CREBRF: variants seen among roughly 807,000 people sequenced by gnomAD.
The protein encoded by CREBRF is UPF0474 protein C5orf41.
Under a neutral mutation model 66.1 loss-of-function variants are expected in CREBRF, and 5 were observed. The ratio of observed to expected loss-of-function variants is 0.08; its 90% CI spans 0.04 to 0.16. CREBRF has a LOEUF of 0.16. Ranked by LOEUF, CREBRF falls within the 10% of genes least tolerant of loss-of-function variation. The pLI, the probability that CREBRF is intolerant of heterozygous loss-of-function variation, is 1.00. For synonymous variants in CREBRF, 229 were observed against 264.4 expected, an observed-to-expected ratio of 0.87 and a Z score of 1.30; for missense variants, 531 against 744.9, an observed-to-expected ratio of 0.71 and a Z score of 3.34.
rs1279438800 is a variant in CREBRF at position 173,133,693 on chromosome 5, G to A, written c.1868G>A (p.Gly623Glu). 6.2e-7 allele frequency: 1 copy of A among 1,612,680 alleles called. No individual in the cohort carries two copies. The highest frequency in any genetic ancestry group is 8.5e-7 in the Non-Finnish European group (1 of 1,179,272). Reference protein sequence around the residue: ...VNQVLEKTAEGNPTGGLVGLR... With the variant: ...VNQVLEKTAEENPTGGLVGLR... ...CAAGTGTTAGAGAAGACTGCAGAAGGGAATCCCACTGGAGGCCTTGTAGGA... is the reference window on the plus strand; with the variant it reads ...CAAGTGTTAGAGAAGACTGCAGAAGAGAATCCCACTGGAGGCCTTGTAGGA... Residue 623 changes from glycine to glutamate, a missense_variant, in exon 9 of 9, where the codon GGG (glycine) becomes GAG (glutamate). By Grantham distance (98) the Gly-to-Glu change is moderately conservative. Transcript: ENST00000296953.
rs752676266 is a variant in CREBRF at position 173,123,041 on chromosome 5, G to A, written c.1682-39G>A. 2.6e-6 allele frequency: 4 copies of A among 1,541,854 alleles called. No individual in the cohort carries two copies. The Admixed American group carries it at 9.2e-5, about 36-fold the overall frequency. On this transcript the variant is annotated intron_variant, in intron 7 of 8. Coordinates refer to ENST00000296953, the MANE Select transcript of CREBRF (RefSeq NM_153607.3). The stretch of plus-strand genomic sequence containing the variant: ...CATAATTAAAAGGAAAGTCTTTCAT[G>A]GTAGTGACATATTCCAAGTGTTTTG...
intron 3 of CREBRF, among the ~76,000 whole-genome samples, chr5:173,088,255 C>CTTTTTTTT (rs536962764): frequency 1.5e-5 from 1 of 66,864 alleles, no homozygotes; most frequent in African/African-American, 6.8e-5. Flanking sequence ...CAAATACATT[C>CTTTTTTTT]TTTTTTTTTT....
intron 8 of CREBRF, among the ~76,000 whole-genome samples, chr5:173,127,776 A>C (rs1581050874): frequency 1.3e-5 from 2 of 152,088 alleles, no homozygotes; most frequent in African/African-American, 2.4e-5. Flanking sequence ...TTTTTCTTAA[A>C]GGTAATTTCT....
intron 1 of CREBRF, among the ~76,000 whole-genome samples, chr5:173,077,189 C>G (rs1303603863): frequency 1.3e-5 from 2 of 152,092 alleles, no homozygotes; most frequent in Non-Finnish European, 2.9e-5. Flanking sequence ...GACTAATTCG[C>G]CTGCCTTGGC....
intron 4 of CREBRF, 36 bp from the exon 5 acceptor site, chr5:173,108,588 T>A: frequency 7.0e-6 from 11 of 1,568,634 alleles, no homozygotes; most frequent in Non-Finnish European, 9.5e-6. Context: ...TTATTGAAAT[T>A]TATGGAGCTT....
Position 173,136,950 on chromosome 5 carries a change from C to G in CREBRF, c.*3205C>G, listed in dbSNP as rs1447671562. The stretch of plus-strand genomic sequence containing the variant: ...ATTATAAACTTTGACTCTAGTACTA[C>G]TATGATTTAAAAAAAAAAAAAACCA... On this transcript the variant is annotated 3_prime_UTR_variant, in exon 9 of 9. Transcript: ENST00000296953. The G allele has an allele frequency of 7.1e-6, 1 of 141,516 alleles. No homozygotes were observed. 8.8% of individuals were successfully genotyped at this position (141,516 alleles called of 1,614,324 possible). A position where few individuals can be genotyped will look rare whatever the true frequency, so the allele number is the denominator to read the frequency against.
At chr5:173,062,797 G>T (rs973242571) in intron 1 of CREBRF, among the ~76,000 whole-genome samples, 1 of 146,050 alleles carries the variant, frequency 6.8e-6, no homozygotes, top group Non-Finnish European at 1.5e-5. Context: ...GCCCAGGCTG[G>T]AGTGCAGTGG....
Position 173,090,849 on chromosome 5 carries a change from A to G in CREBRF, c.670A>G (p.Lys224Glu). The G allele has an allele frequency of 6.2e-7, 1 of 1,614,206 alleles. No homozygotes were observed. The highest frequency in any genetic ancestry group is 8.5e-7 in the Non-Finnish European group (1 of 1,180,040). ...GAAGACCAACATGTATCATAATGAA[A>G]AGGTGAACTTTCATGTTGAATGTAA... is the stretch of plus-strand genomic sequence containing the variant. ...MVKTNMYHNE[K>E]VNFHVECKDY... Residue 224 changes from lysine to glutamate, a missense_variant, in exon 4 of 9, where the codon AAG (lysine) becomes GAG (glutamate). Physicochemically the swap from Lys to Glu is moderately conservative, Grantham distance 56. Transcript: ENST00000296953. This position sits in a 1 kb window ranked among gnomAD's most constrained non-coding sequence, Gnocchi z 4.5.
At chr5:173,080,867 C>A in intron 2 of CREBRF, 83 bp downstream of exon 2, 2 of 1,313,994 alleles carry the variant, frequency 1.5e-6, no homozygotes, top group Non-Finnish European at 2.2e-6. Flanking sequence ...TGAATCTTAA[C>A]ACAACTTTGC....
In CREBRF at chr5:173,138,150, A is replaced by G. The variant is rs1172892850; in HGVS notation, c.*4405A>G. The G allele has an allele frequency of 2.0e-5, 3 of 152,170 alleles. No individual in the cohort carries two copies. Among genetic ancestry groups the G allele is most frequent in the Non-Finnish European group, 4.4e-5 (3 of 68,032 alleles). 9.4% of individuals were successfully genotyped at this position (152,170 alleles called of 1,614,324 possible). Reference sequence around the variant, plus strand: ...TTGGATCATGACAAATAAGTCTCACACAGTGCCGTAATACTTGTGGATTCT... The same window carrying G: ...TTGGATCATGACAAATAAGTCTCACGCAGTGCCGTAATACTTGTGGATTCT... On this transcript the variant is annotated 3_prime_UTR_variant, in exon 9 of 9. Transcript: ENST00000296953.
In CREBRF at chr5:173,091,069, A is replaced by G. The variant is rs943979838; in HGVS notation, c.890A>G (p.Glu297Gly). ...TPALPFKETQ[E>G]LLLSPLPQEG... The stretch of plus-strand genomic sequence containing the variant: ...GCTTTGCCTTTTAAAGAAACCCAGG[A>G]ACTATTACTAAGTCCCCTGCCCCAG... Residue 297 changes from glutamate to glycine, a missense_variant, in exon 4 of 9, where the codon GAA (glutamate) becomes GGA (glycine). Around this residue, in one of 5 missense-constraint regions of CREBRF, gnomAD observed 309 missense variants for 341.4 expected, o/e 0.90. Coordinates refer to ENST00000296953, the MANE Select transcript of CREBRF (RefSeq NM_153607.3). 1.9e-6 allele frequency: 3 copies of G among 1,614,158 alleles called. No individual in the cohort carries two copies. The highest frequency in any genetic ancestry group is 1.7e-6 in the Non-Finnish European group (2 of 1,180,020).
At chr5:173,078,161 A>G (rs945221280) in intron 1 of CREBRF, among the ~76,000 whole-genome samples, 1 of 152,230 alleles carries the variant, frequency 6.6e-6, no homozygotes, top group African/African-American at 2.4e-5. Flanking sequence ...CACCAGCTGC[A>G]ATCCTACCAG....
intron 6 of CREBRF, among the ~76,000 whole-genome samples, chr5:173,111,158 TC>T (rs1233368823): frequency 1.3e-5 from 2 of 152,206 alleles, no homozygotes; most frequent in African/African-American, 4.8e-5. Context: ...GCAAACCCCT[TC>T]CTGCACCCAT....
chr5:173,086,464 T>G (rs752605650), intron 2 of CREBRF, 37 bp from the exon 3 acceptor site: 1 of 1,606,876 alleles, frequency 6.2e-7, no homozygotes, highest in South Asian at 1.1e-5. Flanking sequence ...CTCAAAGTAG[T>G]CTTTAACTTT....
intron 1 of CREBRF, among the ~76,000 whole-genome samples, chr5:173,072,282 CT>C (rs1304681293): frequency 6.5e-4 from 94 of 145,440 alleles, no homozygotes; most frequent in Non-Finnish European, 7.8e-4. Context: ...TTTTTTATCC[CT>C]TTTTTTTTTT....
Position 173,090,638 on chromosome 5 carries a change from C to T in CREBRF, c.459C>T (p.Ser153=), listed in dbSNP as rs1176974566. The T allele has an allele frequency of 6.2e-7, 1 of 1,614,148 alleles. No homozygotes were observed. Among genetic ancestry groups the T allele is most frequent in the Non-Finnish European group, 8.5e-7 (1 of 1,180,028 alleles). Residue 153 remains serine, a synonymous_variant, in exon 4 of 9, where the codon TCC becomes TCT. Transcript: ENST00000296953. The surrounding 1 kb of genome is among the most constrained non-coding windows in gnomAD (Gnocchi z 4.5). ...NSEDSQSVSD[S]LYYPDSLFSV... is the part of the protein sequence containing the mutation. Reference sequence around the variant, plus strand: ...AGGACTCACAGTCTGTTTCTGATTCCCTTTATTACCCCGATTCACTTTTCA... The same window carrying T: ...AGGACTCACAGTCTGTTTCTGATTCTCTTTATTACCCCGATTCACTTTTCA...
At chr5:173,128,388 A>T (rs1759322011) in intron 8 of CREBRF, among the ~76,000 whole-genome samples, 1 of 152,012 alleles carries the variant, frequency 6.6e-6, no homozygotes, top group Non-Finnish European at 1.5e-5. Flanking sequence ...TTTTAAAAGA[A>T]GATGTATTTT....
intron 4 of CREBRF, among the ~76,000 whole-genome samples, chr5:173,093,916 A>G (rs1476749575): frequency 9.2e-5 from 14 of 151,890 alleles, no homozygotes; most frequent in Middle Eastern, 3.4e-3. Flanking sequence ...ACATCTTCCC[A>G]TTTCCCCCAC....
intron 3 of CREBRF, among the ~76,000 whole-genome samples, chr5:173,088,255 CTTTTTTTTTTTTTT>C (rs536962764): frequency 9.0e-5 from 6 of 66,826 alleles, no homozygotes; most frequent in African/African-American, 3.4e-4. Flanking sequence ...CAAATACATT[CTTTTTTTTTTTTTT>C]TTTTTTTTTT....
Sources: allele counts gnomAD v4.1 joint callset (sites outside exome capture counted in the v4.1 genomes callset), GRCh38; gene constraint gnomAD v4.1.1; regional missense constraint gnomAD v4.1.1; non-coding constraint Gnocchi (gnomAD v3.1); transcripts MANE v1.5; gene names NCBI Gene and HGNC (gene_info 2026-07-23, HGNC 2026-07-21).